Variants in CLINT1 observed in about 807,000 individuals in gnomAD.
The protein encoded by CLINT1 is clathrin interactor 1, also known as clathrin interacting protein localized in the trans-Golgi region.
CLINT1 carries 15 observed loss-of-function variants against 70.4 expected under a neutral mutation model. The ratio of observed to expected loss-of-function variants is 0.21; its 90% confidence interval spans 0.14 to 0.33. The LOEUF (loss-of-function observed/expected upper bound fraction) is 0.33. CLINT1 is among the 10% of genes least tolerant of loss of function. The probability of loss-of-function intolerance (pLI) is 1.00; values close to 1 mark genes in which losing one functional copy is unlikely to be tolerated. For missense variants in CLINT1, 615 were observed against 778.1 expected, an observed-to-expected ratio of 0.79 and a Z score of 2.49; for synonymous variants, 227 against 254.7, an observed-to-expected ratio of 0.89 and a Z score of 1.04.
chr5:157,805,288 T>C (rs985755625), intron 7 of CLINT1, among the ~76,000 whole-genome samples: 3 of 152,186 alleles, frequency 2.0e-5, no homozygotes, highest in Non-Finnish European at 4.4e-5. Context: ...ATCTCCCTAT[T>C]TGGCAGATTT....
At chr5:157,804,265 C>G (rs1408591206) in intron 7 of CLINT1, among the ~76,000 whole-genome samples, 1 of 152,048 alleles carries the variant, frequency 6.6e-6, no homozygotes, top group African/African-American at 2.4e-5. Context: ...GTATATCACA[C>G]AAGTTAGTAT....
intron 1 of CLINT1, among the ~76,000 whole-genome samples, chr5:157,845,968 C>T (rs1289773240): frequency 1.3e-5 from 2 of 152,176 alleles, no homozygotes; most frequent in African/African-American, 2.4e-5. Context: ...ATAGCATGAA[C>T]CACGCTGCTA....
intron 11 of CLINT1, among the ~76,000 whole-genome samples, chr5:157,789,141 A>C (rs1169520069): frequency 6.6e-6 from 1 of 152,174 alleles, no homozygotes; most frequent in African/African-American, 2.4e-5. Flanking sequence ...AACTCTCCAC[A>C]ATACAATAAA....
At position 157,814,226 on chromosome 5, in the gene CLINT1, T is replaced by C. The variant is rs1762643884; in HGVS notation, c.311A>G (p.His104Arg). ...TTCCAGGGATCGTAAATCATAAATG[T>C]GTTCTCTGGCACTTGTAACAACACG... is the stretch of plus-strand genomic sequence containing the variant. ...SERVVTSARE[H>R]IYDLRSLENY... Residue 104 changes from histidine to arginine, a missense_variant, in exon 4 of 12, where the codon CAC becomes CGC. Around this residue, in one of 2 missense-constraint regions of CLINT1, gnomAD observed 241 missense variants for 368.6 expected, o/e 0.65. Transcript: ENST00000411809. 1 of 1,610,846 alleles carries C rather than the reference T, an allele frequency of 6.2e-7. No individual in the cohort carries two copies. Among genetic ancestry groups the C allele is most frequent in the Non-Finnish European group, 8.5e-7 (1 of 1,178,588 alleles).
At chr5:157,813,292 G>A in intron 4 of CLINT1, 65 bp from the exon 5 acceptor site, 5 of 1,363,260 alleles carry the variant, frequency 3.7e-6, no homozygotes, top group South Asian at 1.7e-5. Flanking sequence ...AGCTCTTTAA[G>A]ATTAAAAAAA....
chr5:157,835,973 A>C (rs1325089777), intron 1 of CLINT1, among the ~76,000 whole-genome samples: 2 of 152,186 alleles, frequency 1.3e-5, no homozygotes, highest in Non-Finnish European at 2.9e-5. Context: ...AGCCATCACG[A>C]ATTTCATTTC....
chr5:157,791,430 T>C (rs951621055), intron 10 of CLINT1, among the ~76,000 whole-genome samples: 1 of 152,226 alleles, frequency 6.6e-6, no homozygotes, highest in Non-Finnish European at 1.5e-5. Context: ...ATTTTTGCCA[T>C]GTTCCTCCTC....
intron 1 of CLINT1, among the ~76,000 whole-genome samples, chr5:157,831,815 C>T: frequency 6.6e-6 from 1 of 150,838 alleles, no homozygotes; most frequent in Non-Finnish European, 1.5e-5. Context: ...TCTTACTCTC[C>T]TGAGTAGCTG....
At chr5:157,798,600 A>G (rs1762129234) in intron 8 of CLINT1, among the ~76,000 whole-genome samples, 1 of 152,196 alleles carries the variant, frequency 6.6e-6, no homozygotes, top group Non-Finnish European at 1.5e-5. Context: ...TAAATACATG[A>G]CAAAGAATTA....
chr5:157,855,499 T>C (rs1386368470), intron 1 of CLINT1, among the ~76,000 whole-genome samples: 1 of 152,028 alleles, frequency 6.6e-6, no homozygotes, highest in Non-Finnish European at 1.5e-5. Flanking sequence ...ACTTGACGAG[T>C]GGGAAGATAC....
At chr5:157,858,244 T>C (rs1753817526) in intron 1 of CLINT1, among the ~76,000 whole-genome samples, 1 of 152,150 alleles carries the variant, frequency 6.6e-6, no homozygotes. Flanking sequence ...ATGGAACAAG[T>C]AGCACACCAA....
At chr5:157,834,300 G>A (rs1171664121) in intron 1 of CLINT1, among the ~76,000 whole-genome samples, 1 of 152,074 alleles carries the variant, frequency 6.6e-6, no homozygotes, top group East Asian at 1.9e-4. Context: ...GGGAGGCAGA[G>A]GTTGCAGTAA....
intron 1 of CLINT1, among the ~76,000 whole-genome samples, chr5:157,853,014 T>C (rs560033224): frequency 6.6e-6 from 1 of 152,354 alleles, no homozygotes; most frequent in East Asian, 1.9e-4. Flanking sequence ...GAAGTGATCT[T>C]CATTAAAACA....
chr5:157,795,183 T>A, intron 8 of CLINT1: 1 of 534,172 alleles, frequency 1.9e-6, no homozygotes, highest in Non-Finnish European at 3.3e-6. Context: ...GTCCTATATC[T>A]AGTAAGATAA....
chr5:157,804,362 T>C (rs1354356228), intron 7 of CLINT1, among the ~76,000 whole-genome samples: 1 of 152,218 alleles, frequency 6.6e-6, no homozygotes, highest in Non-Finnish European at 1.5e-5. Context: ...TATTTTTATC[T>C]TCTCCACAAA....
intron 1 of CLINT1, among the ~76,000 whole-genome samples, chr5:157,840,028 T>C (rs1753102583): frequency 6.6e-6 from 1 of 151,236 alleles, no homozygotes; most frequent in South Asian, 2.1e-4. Context: ...ACCAGGCTGT[T>C]GCTACTAAAA....
At chr5:157,855,305 G>T (rs1249308975) in intron 1 of CLINT1, among the ~76,000 whole-genome samples, 1 of 152,070 alleles carries the variant, frequency 6.6e-6, no homozygotes, top group East Asian at 1.9e-4. Context: ...CTCAAATCTA[G>T]AGAGAAAATA....
chr5:157,800,479 C>A (rs959469814), intron 8 of CLINT1, among the ~76,000 whole-genome samples: 5 of 152,026 alleles, frequency 3.3e-5, no homozygotes, highest in Non-Finnish European at 7.4e-5. Context: ...CCTTTCACTG[C>A]TGAATTCAAT....
intron 1 of CLINT1, among the ~76,000 whole-genome samples, chr5:157,833,305 C>A (rs1763306432): frequency 6.6e-6 from 1 of 151,318 alleles, no homozygotes; most frequent in Admixed American, 6.6e-5. Flanking sequence ...GAGCCGAGAT[C>A]ATGCCAATGC....
Sources: gnomAD v4.1 joint callset for allele counts (sites outside exome capture counted in the v4.1 genomes callset) on GRCh38, gnomAD v4.1.1 for gene constraint, gnomAD v4.1.1 regional missense constraint, MANE v1.5 for transcripts, NCBI Gene and HGNC (gene_info 2026-07-23, HGNC 2026-07-21) for gene names.